Variants in IQCE observed in about 807,000 individuals in gnomAD.
The protein encoded by IQCE is IQ motif containing E.
In IQCE, 115 loss-of-function variants were observed where a neutral mutation model predicts 96.0. The observed-to-expected ratio is 1.20, with a 90% CI of 1.03 to 1.40. The LOEUF is 1.40. Among genes scored for constraint, IQCE ranks in the 40% most tolerant of loss-of-function variants. The probability of loss-of-function intolerance (pLI) is 0.00; values close to 1 mark genes in which losing one functional copy is unlikely to be tolerated. For synonymous variants in IQCE, 412 were observed against 371.2 expected (o/e 1.11, Z -1.26); for missense variants, 1,041 against 909.1 (o/e 1.15, Z -1.87).
chr7:2,610,068 C>G lies in IQCE; in HGVS notation c.1994C>G (p.Ala665Gly), dbSNP rs779819800. ...LPDPSPSGPQ[A>G]LAPLPGDDVN... ...GACCCCTCTCCCTCAGGGCCACAGGCCTTGGCACCTCTACCTGGGGATGAC... is the reference window on the plus strand; with the variant it reads ...GACCCCTCTCCCTCAGGGCCACAGGGCTTGGCACCTCTACCTGGGGATGAC... The change falls in exon 22 of 22, where the codon GCC (alanine) becomes GGC (glycine). Residue 665 changes from alanine (A) to glycine (G), a missense_variant. Coordinates refer to ENST00000402050, the MANE Select transcript of IQCE (RefSeq NM_152558.5). 1.2e-6 allele frequency: 2 copies of G among 1,607,488 alleles called. No homozygotes were observed. Among genetic ancestry groups the G allele is most frequent in the Admixed American group, 1.7e-5 (1 of 59,984 alleles).
At chr7:2,567,080 G>A in intron 1 of IQCE, 36 bp from the exon 2 acceptor site, 1 of 1,593,658 alleles carries the variant, frequency 6.3e-7, no homozygotes, top group Non-Finnish European at 8.6e-7. Context: ...CCCAGCAGGT[G>A]CCGTCGAGTT....
intron 2 of IQCE, among the ~76,000 whole-genome samples, chr7:2,567,808 A>C (rs1159163630): frequency 6.6e-6 from 1 of 152,222 alleles, no homozygotes; most frequent in Non-Finnish European, 1.5e-5. Context: ...CTGTGGACTC[A>C]AGGGGGAGCC....
chr7:2,595,184 G>C (rs957074903), intron 16 of IQCE, among the ~76,000 whole-genome samples: 6 of 152,176 alleles, frequency 3.9e-5, no homozygotes, highest in African/African-American at 1.4e-4. Flanking sequence ...TTGACTTCTC[G>C]AACTGATATT....
intron 21 of IQCE, among the ~76,000 whole-genome samples, chr7:2,608,383 C>G (rs572739045): frequency 2.0e-5 from 3 of 152,350 alleles, no homozygotes; most frequent in African/African-American, 4.8e-5. Context: ...GTCTCCTGCA[C>G]GAGCTAAGAA....
At chr7:2,591,553 A>G (rs995555153) in intron 14 of IQCE, among the ~76,000 whole-genome samples, 1 of 151,398 alleles carries the variant, frequency 6.6e-6, no homozygotes, top group African/African-American at 2.4e-5. Context: ...GTTAGAATGC[A>G]GCCACCGAGG....
At chr7:2,559,735 T>A (rs1780780899) in intron 1 of IQCE, among the ~76,000 whole-genome samples, 1 of 114,730 alleles carries the variant, frequency 8.7e-6, no homozygotes, top group South Asian at 3.1e-4. Flanking sequence ...CTACTGTGTG[T>A]TAGAGACACG....
At chr7:2,583,118 C>T (rs1782806730) in intron 9 of IQCE, among the ~76,000 whole-genome samples, 3 of 152,146 alleles carry the variant, frequency 2.0e-5, no homozygotes, top group African/African-American at 7.2e-5. Context: ...ATTTTGTCAA[C>T]TTAAGTTTGC....
chr7:2,591,599 A>G (rs1024813646), intron 14 of IQCE, among the ~76,000 whole-genome samples: 1 of 149,136 alleles, frequency 6.7e-6, no homozygotes, highest in African/African-American at 2.5e-5. Context: ...CTCTGCTTCC[A>G]GTGGGATCTG....
chr7:2,574,108 G>A (rs1032002063), intron 6 of IQCE, among the ~76,000 whole-genome samples: 22 of 152,308 alleles, frequency 1.4e-4, no homozygotes, highest in African/African-American at 5.3e-4. Flanking sequence ...CATTGTCACT[G>A]CCACCAGCAC....
intron 8 of IQCE, among the ~76,000 whole-genome samples, chr7:2,581,122 C>T (rs185601292): frequency 1.1e-3 from 175 of 152,256 alleles, no homozygotes; most frequent in African/African-American, 3.9e-3. Context: ...GGATTACAGG[C>T]ATGAGCCACC....
chr7:2,583,530 C>A, intron 9 of IQCE, 107 bp from the exon 10 acceptor site: 1 of 687,600 alleles, frequency 1.5e-6, no homozygotes, highest in Non-Finnish European at 2.3e-6. Context: ...CATCCTGGGT[C>A]TTTTCCAAAG....
chr7:2,572,130 A>G lies in IQCE; in HGVS notation c.260-62A>G, dbSNP rs1781795017. ...TTCAATCCAGGAAAGTTGATTAGAA[A>G]CAAAACCTCCCATTGTGTGTGCTTG... On this transcript the variant is annotated intron_variant, in intron 4 of 21. Transcript: ENST00000402050. 3.3e-6 allele frequency: 5 copies of G among 1,529,280 alleles called. No homozygotes were observed. In the East Asian group the frequency reaches 6.8e-5, roughly 21 times the overall value. The allele number at this position is 1,529,280 out of a possible 1,614,324, so 94.7% of individuals were successfully genotyped here.
chr7:2,582,436 C>A, intron 8 of IQCE, 144 bp from the exon 9 acceptor site: 1 of 709,770 alleles, frequency 1.4e-6, no homozygotes, highest in East Asian at 2.7e-5. Flanking sequence ...CCTCCCTCTT[C>A]CCTGGGCCCG....
At chr7:2,575,703 C>T (rs1276988921) in intron 6 of IQCE, among the ~76,000 whole-genome samples, 1 of 152,202 alleles carries the variant, frequency 6.6e-6, no homozygotes, top group African/African-American at 2.4e-5. Flanking sequence ...CTCTCCCTGA[C>T]CTCTGGCTGG....
chr7:2,576,847 T>C (rs564190526), intron 6 of IQCE, among the ~76,000 whole-genome samples: 1 of 152,370 alleles, frequency 6.6e-6, no homozygotes, highest in African/African-American at 2.4e-5. Context: ...GGATGAGTTT[T>C]ATTGATAAAA....
intron 13 of IQCE, among the ~76,000 whole-genome samples, chr7:2,588,491 C>G (rs553364183): frequency 2.7e-5 from 4 of 150,906 alleles, no homozygotes; most frequent in African/African-American, 9.8e-5. Flanking sequence ...GTAGCTGGGA[C>G]TACAGGTGCC....
intron 1 of IQCE, among the ~76,000 whole-genome samples, chr7:2,564,881 C>T (rs559699130): frequency 2.5e-3 from 377 of 152,304 alleles, no homozygotes; most frequent in Non-Finnish European, 3.4e-3. Context: ...CTGTTAGGAG[C>T]CTGGCCCTGC....
intron 1 of IQCE, 85 bp from the exon 2 acceptor site, chr7:2,567,031 A>G (rs1781423971): frequency 1.8e-6 from 2 of 1,098,800 alleles, no homozygotes; most frequent in Non-Finnish European, 2.8e-6. Flanking sequence ...GCAGCTGTGG[A>G]CGGGCTGTTT....
At chr7:2,572,903 G>A (rs1031660434) in intron 5 of IQCE, 18 of 356,230 alleles carry the variant, frequency 5.1e-5, no homozygotes, top group Admixed American at 2.0e-4. Context: ...CCTCCAGGGT[G>A]TATTGAAAAC....
Sources: allele counts gnomAD v4.1 joint callset (sites outside exome capture counted in the v4.1 genomes callset), GRCh38; gene constraint gnomAD v4.1.1; transcripts MANE v1.5; gene names NCBI Gene and HGNC (gene_info 2026-07-23, HGNC 2026-07-21).